The following SLC24A2 variants were observed in gnomAD, a reference collection of about 807,000 sequenced individuals.
The protein encoded by SLC24A2 is sodium/potassium/calcium exchanger 2.
Under a neutral mutation model 62.0 loss-of-function variants are expected in SLC24A2, and 36 were observed. That is an observed-to-expected ratio of 0.58 (90% CI 0.44 to 0.77). SLC24A2 has a LOEUF of 0.77. Among genes scored for constraint, SLC24A2 ranks in the 30% least tolerant of loss-of-function variants. SLC24A2 has a pLI of 0.00. For missense variants in SLC24A2, 846 were observed against 817.9 expected (o/e 1.03, Z -0.42); for synonymous variants, 358 against 294.0 (o/e 1.22, Z -2.23).
At chr9:20,224,998 T>C in the SLC24A2 span, among the ~76,000 whole-genome samples, 1 of 152,022 alleles carries the variant, frequency 6.6e-6, no homozygotes, top group African/African-American at 2.4e-5. Flanking sequence ...TCCTCCACAA[T>C]TTCCTGAGGG....
At chr9:20,290,410 G>A in the SLC24A2 span, among the ~76,000 whole-genome samples, 1 of 152,236 alleles carries the variant, frequency 6.6e-6, no homozygotes, top group African/African-American at 2.4e-5. Context: ...CATCTTGCCT[G>A]TAATCTGGGC....
chr9:19,865,641 A>T, the SLC24A2 span, among the ~76,000 whole-genome samples: 1 of 152,190 alleles, frequency 6.6e-6, no homozygotes. Context: ...AAAACTGGAT[A>T]TCCATATACA....
chr9:19,945,468 T>C, the SLC24A2 span, among the ~76,000 whole-genome samples: 1 of 152,234 alleles, frequency 6.6e-6, no homozygotes, highest in East Asian at 1.9e-4. Context: ...GCATTTATCT[T>C]TCCTTTCCCC....
rs545529170 is a variant in SLC24A2, at chr9:19,569,183, C to T, written c.1347+4168G>A. On this transcript the variant is annotated intron_variant, in intron 7 of 10. Coordinates refer to ENST00000341998, the MANE Select transcript of SLC24A2 (RefSeq NM_020344.4). ...TTTGAGGTCCATATGGTCTCTGTCA[C>T]ATATGCTGCTATTGCTTCCTGTTTA... 1.7e-4 allele frequency among the ~76,000 whole-genome samples: 26 copies of T among 152,288 alleles called. No individual in the cohort carries two copies. The East Asian group carries it at 4.2e-3, about 25-fold the overall frequency.
chr9:19,820,012 T>C, the SLC24A2 span, among the ~76,000 whole-genome samples: 4 of 105,306 alleles, frequency 3.8e-5, 1 homozygote, highest in South Asian at 9.6e-4. Context: ...TATATGTGTA[T>C]ATATATATAT....
the SLC24A2 span, among the ~76,000 whole-genome samples, chr9:19,878,750 C>T: frequency 6.6e-6 from 1 of 152,088 alleles, no homozygotes; most frequent in Admixed American, 6.5e-5. Flanking sequence ...CTGAGGCCTC[C>T]CCAGCCATGC....
chr9:20,247,790 T>G, the SLC24A2 span, among the ~76,000 whole-genome samples: 1 of 152,210 alleles, frequency 6.6e-6, no homozygotes, highest in Non-Finnish European at 1.5e-5. Flanking sequence ...ACAGGCCACA[T>G]AGCATAACAG....
the SLC24A2 span, among the ~76,000 whole-genome samples, chr9:20,302,000 A>G: frequency 6.6e-6 from 1 of 152,184 alleles, no homozygotes; most frequent in Non-Finnish European, 1.5e-5. Flanking sequence ...ATCATACACT[A>G]TATAGACTTT....
chr9:20,240,822 A>T, the SLC24A2 span, among the ~76,000 whole-genome samples: 7,544 of 152,168 alleles, frequency 0.05, 559 homozygotes, highest in African/African-American at 0.16. Context: ...ACATCGATTG[A>T]TCAATGTGAC....
At chr9:19,582,101 G>C (rs1218832705) in intron 5 of SLC24A2, among the ~76,000 whole-genome samples, 1 of 152,184 alleles carries the variant, frequency 6.6e-6, no homozygotes, top group East Asian at 1.9e-4. Context: ...GTCCTCAGAG[G>C]AGTGTATGTT....
chr9:20,074,081 T>G, the SLC24A2 span, among the ~76,000 whole-genome samples: 1 of 152,080 alleles, frequency 6.6e-6, no homozygotes, highest in South Asian at 2.1e-4. Context: ...GGCATCAAAA[T>G]CCAGGTCTCA....
the SLC24A2 span, among the ~76,000 whole-genome samples, chr9:20,258,451 G>C: frequency 6.6e-6 from 1 of 152,174 alleles, no homozygotes; most frequent in Non-Finnish European, 1.5e-5. Context: ...CTCAACATGG[G>C]TGGGTGCCAT....
the SLC24A2 span, among the ~76,000 whole-genome samples, chr9:20,189,469 T>A: frequency 6.6e-6 from 1 of 152,202 alleles, no homozygotes; most frequent in African/African-American, 2.4e-5. Flanking sequence ...AAGAACTTTA[T>A]TTTTTTGTTA....
At chr9:19,554,919 G>T (rs2132767222) in intron 7 of SLC24A2, among the ~76,000 whole-genome samples, 1 of 152,302 alleles carries the variant, frequency 6.6e-6, no homozygotes, top group South Asian at 2.1e-4. Context: ...GCACCCACAT[G>T]CTGTGACTGC....
intron 2 of SLC24A2, among the ~76,000 whole-genome samples, chr9:19,684,015 T>A (rs192152067): frequency 6.6e-6 from 1 of 152,204 alleles, no homozygotes; most frequent in Non-Finnish European, 1.5e-5. Flanking sequence ...GGCAATTTAT[T>A]GTAAGGAATG....
the SLC24A2 span, among the ~76,000 whole-genome samples, chr9:20,175,177 T>C: frequency 6.6e-6 from 1 of 151,896 alleles, no homozygotes; most frequent in Non-Finnish European, 1.5e-5. Context: ...AAGTGGGAGC[T>C]AAGCTATGAG....
chr9:19,645,718 G>A (rs1460660611), intron 2 of SLC24A2, among the ~76,000 whole-genome samples: 1 of 152,268 alleles, frequency 6.6e-6, no homozygotes, highest in African/African-American at 2.4e-5. Context: ...ACCCCACACC[G>A]CAATCTTGGG....
chr9:19,838,483 A>ACG, the SLC24A2 span, among the ~76,000 whole-genome samples: 1 of 151,446 alleles, frequency 6.6e-6, no homozygotes, highest in Non-Finnish European at 1.5e-5. Context: ...ACACACACAC[A>ACG]CACAGATTAG....
chr9:19,798,249 T>G, the SLC24A2 span, among the ~76,000 whole-genome samples: 1 of 152,236 alleles, frequency 6.6e-6, no homozygotes. Flanking sequence ...ATTACACTTG[T>G]ATTTGCTGAT....
Sources: gnomAD v4.1 joint callset for allele counts (sites outside exome capture counted in the v4.1 genomes callset) on GRCh38, gnomAD v4.1.1 for gene constraint, MANE v1.5 for transcripts, NCBI Gene and HGNC (gene_info 2026-07-23, HGNC 2026-07-21) for gene names.